The following KDM5C variants were observed in gnomAD, a reference collection of about 807,000 sequenced individuals.
KDM5C encodes lysine demethylase 5C.
A neutral mutation model predicts 110.6 loss-of-function variants in KDM5C; 16 were observed. The ratio of observed to expected loss-of-function variants is 0.14; its 90% CI spans 0.10 to 0.22. The LOEUF (loss-of-function observed/expected upper bound fraction) is 0.22. Ranked by LOEUF, KDM5C falls within the 10% of genes least tolerant of loss-of-function variation. The pLI, the probability that KDM5C is intolerant of heterozygous loss-of-function variation, is 1.00. For missense variants in KDM5C, 681 were observed against 1,300.9 expected (o/e 0.52, Z 7.33); for synonymous variants, 511 against 520.4 (o/e 0.98, Z 0.24).
In KDM5C at chrX:53,195,400, T is replaced by C; in HGVS notation, c.3131A>G (p.His1044Arg). Reference protein sequence around the residue: ...ADVDEIQNGDHYPCLDDLEGL... With the variant: ...ADVDEIQNGDRYPCLDDLEGL... ...CTCCAAGTCATCCAGGCAGGGGTAG[T>C]GGTCACCATTCTAAGGCCAAGGGCG... The change falls in exon 21 of 26, where the codon CAC (histidine) becomes CGC (arginine). Residue 1044 changes from histidine (H) to arginine (R), a missense_variant. Around this residue, in one of 14 missense-constraint regions of KDM5C, gnomAD observed 66 missense variants for 162.9 expected, o/e 0.41. Coordinates refer to ENST00000375401, the MANE Select transcript of KDM5C (RefSeq NM_004187.5). The C allele has an allele frequency of 8.3e-7, 1 of 1,204,985 alleles. No individual in the cohort carries two copies. The highest frequency in any genetic ancestry group is 1.1e-6 in the Non-Finnish European group (1 of 891,864).
chrX:53,222,112 AC>A (rs781890225), intron 1 of KDM5C, among the ~76,000 whole-genome samples: 1 of 110,762 alleles, frequency 9.0e-6, no homozygotes, highest in African/African-American at 3.3e-5. Flanking sequence ...GGGGCCAAGA[AC>A]CCACGTCTTC....
At chrX:53,199,233 C>A (rs1422498498) in intron 14 of KDM5C, 75 bp from the exon 15 acceptor site, 2 of 1,044,106 alleles carry the variant, frequency 1.9e-6, no homozygotes, top group African/African-American at 1.8e-5. Context: ...CCACCACCGA[C>A]CCCTACTTTA....
At chrX:53,222,951 G>T (rs1009989813) in intron 1 of KDM5C, among the ~76,000 whole-genome samples, 2 of 111,570 alleles carry the variant, frequency 1.8e-5, no homozygotes, top group Non-Finnish European at 3.8e-5. Flanking sequence ...CCAGAAGAAG[G>T]CCAGCTGCCT....
At chrX:53,213,514 T>C (rs985720363) in intron 8 of KDM5C, among the ~76,000 whole-genome samples, 3 of 111,569 alleles carry the variant, frequency 2.7e-5, no homozygotes, top group Non-Finnish European at 5.7e-5. Context: ...GTTCATGAAA[T>C]GTACCTGCCC....
At chrX:53,188,288 AG>A (rs1157029110), downstream of KDM5C, among the ~76,000 whole-genome samples, 1 of 110,554 alleles carries the variant, frequency 9.0e-6, no homozygotes, top group African/African-American at 3.3e-5. Context: ...TCAGTCTCCA[AG>A]ATGACCCCCA....
At chrX:53,221,896 C>T (rs1161808262) in intron 1 of KDM5C, 2 of 343,748 alleles carry the variant, frequency 5.8e-6, no homozygotes, top group Non-Finnish European at 1.0e-5. Flanking sequence ...CTGTGTCCTG[C>T]CCAAAGGTCA....
At chrX:53,196,536 ACG>A in intron 19 of KDM5C, 148 bp downstream of exon 19, 1 of 518,802 alleles carries the variant, frequency 1.9e-6, no homozygotes, top group East Asian at 3.3e-5. Flanking sequence ...TTTTAAAAAA[ACG>A]ACAAGATAGA....
intron 23 of KDM5C, 99 bp downstream of exon 23, chrX:53,194,040 A>C: frequency 1.8e-6 from 2 of 1,101,916 alleles, no homozygotes; most frequent in Admixed American, 5.2e-5. Context: ...GGTCCAAAGA[A>C]AACTGAAAAT....
intron 14 of KDM5C, among the ~76,000 whole-genome samples, chrX:53,201,064 G>A (rs2073125349): frequency 8.9e-6 from 1 of 112,288 alleles, no homozygotes; most frequent in Non-Finnish European, 1.9e-5. Flanking sequence ...TTAGAGAGAT[G>A]GCTTTCATAT....
intron 12 of KDM5C, among the ~76,000 whole-genome samples, chrX:53,209,943 G>A (rs782630872): frequency 2.7e-5 from 3 of 112,319 alleles, no homozygotes; most frequent in Admixed American, 9.4e-5. Context: ...GTTGTACCTC[G>A]ATATTCATTC....
intron 12 of KDM5C, 71 bp from the exon 13 acceptor site, chrX:53,202,044 G>C: frequency 8.7e-7 from 1 of 1,144,078 alleles, no homozygotes; most frequent in Non-Finnish European, 1.2e-6. Context: ...TTAAGTGCAA[G>C]GTAATTAAGG....
chrX:53,218,236 G>T, intron 3 of KDM5C, 40 bp downstream of exon 3: 1 of 1,209,421 alleles, frequency 8.3e-7, no homozygotes, highest in Non-Finnish European at 1.1e-6. Flanking sequence ...AGGATATTGG[G>T]GTTTGGTGGG....
chrX:53,214,305 A>C (rs893914553), intron 8 of KDM5C: 9 of 146,618 alleles, frequency 6.1e-5, no homozygotes, highest in African/African-American at 2.5e-4. Flanking sequence ...AAACTCAGAA[A>C]TTGAAAGAAC....
At chrX:53,178,066 C>T (rs1373624859) in intron 25 of KDM5C, among the ~76,000 whole-genome samples, 2 of 111,334 alleles carry the variant, frequency 1.8e-5, no homozygotes, top group Non-Finnish European at 3.8e-5. Flanking sequence ...CTATGTTGTC[C>T]AGGCTGGCTT....
intron 7 of KDM5C, 58 bp downstream of exon 7, chrX:53,215,737 G>T: frequency 2.7e-6 from 3 of 1,127,779 alleles, no homozygotes; most frequent in Non-Finnish European, 3.7e-6. Context: ...CCATGCAGGG[G>T]AATGCTTATT....
rs1569272309 is a variant in KDM5C, at chrX:53,208,803, C to CTTTT, written c.1746+1610_1746+1611insAAAA. Among the ~76,000 whole-genome samples the CTTTT allele has an allele frequency of 8.5e-5, 4 of 47,054 alleles. 1 individual carries two copies. The highest frequency in any genetic ancestry group is 1.6e-4 in the Non-Finnish European group (4 of 24,849). The allele number at this position is 47,054 out of a possible 115,157, so 40.9% of individuals were successfully genotyped here. On this transcript the variant is annotated intron_variant, in intron 12 of 25. Transcript: ENST00000375401. ...TACAGGCATGAGCCACCACACCCGGCTCTTTTTTTTTTTTTTTTTTTTTTT... is the reference window on the plus strand; with the variant it reads ...TACAGGCATGAGCCACCACACCCGGCTTTTTCTTTTTTTTTTTTTTTTTTTTTTT...
rs1365557184 is a variant in KDM5C, at chrX:53,224,725, G to C, written c.150+15C>G. 8.3e-7 allele frequency: 1 copy of C among 1,209,656 alleles called. No individual in the cohort carries two copies. Among genetic ancestry groups the C allele is most frequent in the Non-Finnish European group, 1.1e-6 (1 of 894,598 alleles). The stretch of plus-strand genomic sequence containing the variant: ...TTCCGTCTCGCCGCCGGCGAAAACC[G>C]GCCCCGGGGCTTACCGCGGGTGGGC... On this transcript the variant is annotated intron_variant, in intron 1 of 25. Coordinates refer to ENST00000375401, the MANE Select transcript of KDM5C (RefSeq NM_004187.5).
At chrX:53,211,248 T>G (rs782457559) in intron 10 of KDM5C, among the ~76,000 whole-genome samples, 6 of 111,917 alleles carry the variant, frequency 5.4e-5, no homozygotes, top group African/African-American at 1.6e-4. Context: ...TTAATTTTTA[T>G]AACAAATTTG....
rs2146844967 is a variant in KDM5C at position 53,197,882 on chromosome X, A to AACT, written c.2517-7_2517-6insAGT. ...GACCAGCCACCCTGTGGGGGCTATG[A>AACT]AGTATCACATGTGAGGTTTCAGGTC... is the stretch of plus-strand genomic sequence containing the variant. On this transcript the variant is annotated splice_polypyrimidine_tract_variant and splice_region_variant and intron_variant, in intron 17 of 25. Transcript: ENST00000375401. The AACT allele has an allele frequency of 8.6e-7, 1 of 1,163,184 alleles. No individual in the cohort carries two copies. The highest frequency in any genetic ancestry group is 1.2e-6 in the Non-Finnish European group (1 of 862,509).
Sources: allele counts gnomAD v4.1 joint callset (sites outside exome capture counted in the v4.1 genomes callset), GRCh38; gene constraint gnomAD v4.1.1; regional missense constraint gnomAD v4.1.1; transcripts MANE v1.5; gene names NCBI Gene and HGNC (gene_info 2026-07-23, HGNC 2026-07-21).